The following RNF115 variants were observed in gnomAD, a reference collection of about 807,000 sequenced individuals.
The protein encoded by RNF115 is E3 ubiquitin-protein ligase RNF115.
In RNF115, 31 loss-of-function variants were observed where a neutral mutation model predicts 39.2. That is an observed-to-expected ratio of 0.79 (90% CI 0.59 to 1.07). The LOEUF (loss-of-function observed/expected upper bound fraction) is 1.07, where lower values mean the gene tolerates loss of function less well. Among genes scored for constraint, RNF115 ranks in the 50% least tolerant of loss-of-function variants. The probability of loss-of-function intolerance (pLI) is 0.00; values close to 1 mark genes in which losing one functional copy is unlikely to be tolerated. For synonymous variants in RNF115, 124 were observed against 131.0 expected (o/e 0.95, Z 0.37); for missense variants, 384 against 381.7 (o/e 1.01, Z -0.05).
intron 4 of RNF115, among the ~76,000 whole-genome samples, chr1:145,763,937 C>A (rs1313206888): frequency 7.1e-6 from 1 of 140,914 alleles, no homozygotes; most frequent in Non-Finnish European, 1.5e-5. Context: ...CTCTCCCTCT[C>A]TTGCCATGGT....
intron 1 of RNF115, among the ~76,000 whole-genome samples, chr1:145,820,652 C>G (rs1352364374): frequency 6.6e-6 from 1 of 152,162 alleles, no homozygotes; most frequent in Non-Finnish European, 1.5e-5. Flanking sequence ...AGGAGAACTG[C>G]TTGAACCCAG....
intron 1 of RNF115, among the ~76,000 whole-genome samples, chr1:145,793,842 C>CTTTTTT (rs11304765): frequency 3.7e-5 from 5 of 135,796 alleles, no homozygotes; most frequent in Non-Finnish European, 7.9e-5. Context: ...TACCCTCTTT[C>CTTTTTT]TTTTTTTTTT....
At chr1:145,812,836 G>A (rs1649797769) in intron 1 of RNF115, among the ~76,000 whole-genome samples, 1 of 147,666 alleles carries the variant, frequency 6.8e-6, no homozygotes, top group Non-Finnish European at 1.5e-5. Context: ...ACCCAGGCTG[G>A]TCTCAAACTC....
intron 3 of RNF115, among the ~76,000 whole-genome samples, chr1:145,783,621 A>C (rs1000613012): frequency 2.6e-5 from 4 of 152,160 alleles, no homozygotes; most frequent in Non-Finnish European, 5.9e-5. Flanking sequence ...GATTTAACTT[A>C]TTTCTTCCTT....
At chr1:145,767,750 C>T in intron 4 of RNF115, among the ~76,000 whole-genome samples, 1 of 152,378 alleles carries the variant, frequency 6.6e-6, no homozygotes, top group Non-Finnish European at 1.5e-5. Flanking sequence ...GCTGGCGGAT[C>T]ACTCGCGGTT....
intron 1 of RNF115, among the ~76,000 whole-genome samples, chr1:145,819,855 C>G (rs1471551315): frequency 1.3e-5 from 2 of 152,130 alleles, no homozygotes; most frequent in African/African-American, 2.4e-5. Flanking sequence ...CCGGCCAACA[C>G]GGGGAAACCC....
At chr1:145,776,165 T>TTA (rs1647877664) in intron 3 of RNF115, among the ~76,000 whole-genome samples, 1 of 33,758 alleles carries the variant, frequency 3.0e-5, no homozygotes, top group African/African-American at 3.3e-4. Flanking sequence ...CTGACCAACA[T>TTA]TTTTTTTTTT....
At chr1:145,802,008 G>A (rs587770217) in intron 1 of RNF115, among the ~76,000 whole-genome samples, 18 of 151,926 alleles carry the variant, frequency 1.2e-4, no homozygotes, top group Non-Finnish European at 2.1e-4. Context: ...AGCTAGTCTC[G>A]AACTCCTGAG....
At chr1:145,762,177 G>A (rs1362059566) in intron 4 of RNF115, among the ~76,000 whole-genome samples, 1 of 152,206 alleles carries the variant, frequency 6.6e-6, no homozygotes, top group Non-Finnish European at 1.5e-5. Context: ...TATCTCAGAT[G>A]AGACTTTGGA....
At position 145,823,992 on chromosome 1, in the gene RNF115, G is replaced by A. The variant is rs1650461777; in HGVS notation, c.-119C>T. The A allele has an allele frequency of 2.9e-6, 2 of 696,874 alleles. No individual in the cohort carries two copies. Among genetic ancestry groups the A allele is most frequent in the Non-Finnish European group, 2.2e-6 (1 of 463,972 alleles). 43.2% of individuals were successfully genotyped at this position (696,874 alleles called of 1,614,324 possible). A position where few individuals can be genotyped will look rare whatever the true frequency, so the allele number is the denominator to read the frequency against. ...CCTCGGTGCGGCCCACCGCTTCAGA[G>A]CCCGCGTCGGTCACGTGAGTTGGCC... is the stretch of plus-strand genomic sequence containing the variant. On this transcript the variant is annotated 5_prime_UTR_variant, in exon 1 of 9. Transcript: ENST00000582693.
chr1:145,766,562 T>A (rs1333479008), intron 4 of RNF115, among the ~76,000 whole-genome samples: 2 of 149,398 alleles, frequency 1.3e-5, no homozygotes, highest in Non-Finnish European at 1.5e-5. Flanking sequence ...CACTTCCCAG[T>A]AGGGGCGGCC....
chr1:145,751,040 C>CT (rs1234107095), intron 6 of RNF115, among the ~76,000 whole-genome samples: 4 of 152,170 alleles, frequency 2.6e-5, no homozygotes, highest in African/African-American at 7.2e-5. Context: ...CATGGGAATA[C>CT]TTTTTTCTCT....
chr1:145,791,067 A>G (rs1298975531), intron 1 of RNF115, among the ~76,000 whole-genome samples: 2 of 151,984 alleles, frequency 1.3e-5, no homozygotes, highest in South Asian at 2.1e-4. Flanking sequence ...GCTTGAACCC[A>G]GGAGGCAGAG....
At chr1:145,766,006 T>C (rs1278682042) in intron 4 of RNF115, among the ~76,000 whole-genome samples, 2 of 152,014 alleles carry the variant, frequency 1.3e-5, no homozygotes, top group Non-Finnish European at 2.9e-5. Context: ...CTTTTTCTTT[T>C]TTTTTTTTTT....
At chr1:145,749,013 T>A (rs1436449820) in intron 7 of RNF115, among the ~76,000 whole-genome samples, 1 of 152,044 alleles carries the variant, frequency 6.6e-6, no homozygotes, top group African/African-American at 2.4e-5. Context: ...GGTCACCAAA[T>A]CAAGAGACAG....
At chr1:145,764,238 T>G (rs1553714341) in intron 4 of RNF115, among the ~76,000 whole-genome samples, 1 of 152,102 alleles carries the variant, frequency 6.6e-6, no homozygotes, top group East Asian at 1.9e-4. Context: ...CAGGCTGGAG[T>G]GCAGTGGCTT....
intron 1 of RNF115, among the ~76,000 whole-genome samples, chr1:145,798,230 T>G (rs1649072912): frequency 6.6e-6 from 1 of 152,214 alleles, no homozygotes; most frequent in Non-Finnish European, 1.5e-5. Flanking sequence ...TCCAAAGTTA[T>G]AAAGCCTTTC....
At chr1:145,749,217 CCA>C (rs1179812336) in intron 7 of RNF115, among the ~76,000 whole-genome samples, 2 of 79,888 alleles carry the variant, frequency 2.5e-5, no homozygotes, top group Non-Finnish European at 7.4e-5. Flanking sequence ...TCCTTACTCT[CCA>C]TTCCTATCAC....
chr1:145,761,528 C>T (rs1046318307), intron 4 of RNF115, among the ~76,000 whole-genome samples: 2 of 152,190 alleles, frequency 1.3e-5, no homozygotes, highest in Admixed American at 6.5e-5. Flanking sequence ...GCCTTGGCAG[C>T]GTCCATGTGG....
Sources: gnomAD v4.1 joint callset for allele counts (sites outside exome capture counted in the v4.1 genomes callset) on GRCh38, gnomAD v4.1.1 for gene constraint, MANE v1.5 for transcripts, NCBI Gene and HGNC (gene_info 2026-07-23, HGNC 2026-07-21) for gene names.